Variants in F8 observed in about 807,000 individuals in gnomAD.
F8 encodes the protein antihemophilic factor.
In F8, 12 loss-of-function variants were observed where a neutral mutation model predicts 140.6. The observed-to-expected ratio is 0.09, with a 90% confidence interval of 0.05 to 0.14. The LOEUF (loss-of-function observed/expected upper bound fraction) is 0.14. F8 is among the 10% of genes least tolerant of loss of function. The pLI is 1.00. For missense variants in F8, 1,354 were observed against 1,720.7 expected (o/e 0.79, Z 3.77); for synonymous variants, 585 against 614.6 (o/e 0.95, Z 0.71).
chrX:154,939,517 G>A (rs781855025), intron 13 of F8, among the ~76,000 whole-genome samples: 101 of 112,929 alleles, frequency 8.9e-4, no homozygotes, highest in African/African-American at 3.0e-3. Flanking sequence ...AAGCGGCCGG[G>A]AAGCTCGAAC....
chrX:154,853,023 C>T (rs782622483), intron 25 of F8, among the ~76,000 whole-genome samples: 1 of 111,683 alleles, frequency 9.0e-6, no homozygotes, highest in Admixed American at 9.5e-5. Flanking sequence ...TATTTAATTT[C>T]TCTTTTAATT....
intron 9 of F8, among the ~76,000 whole-genome samples, chrX:154,961,969 C>T (rs1450954213): frequency 1.8e-5 from 2 of 111,243 alleles, no homozygotes; most frequent in Non-Finnish European, 3.8e-5. Context: ...GCCTCTGTGT[C>T]CTCTGTTTCA....
intron 1 of F8, among the ~76,000 whole-genome samples, chrX:155,006,323 G>A (rs781987119): frequency 0.024 from 1,671 of 68,528 alleles, 77 homozygotes; most frequent in African/African-American, 0.092. Flanking sequence ...CATGAAGCAC[G>A]CGGTCACCCT....
chrX:154,841,370 T>A (rs1173549158), intron 25 of F8, among the ~76,000 whole-genome samples: 4 of 109,271 alleles, frequency 3.7e-5, no homozygotes, highest in Non-Finnish European at 7.6e-5. Context: ...TAATTTAAAA[T>A]TGTGTGTGTA....
chrX:154,954,151 A>G (rs1372465971), intron 11 of F8, 109 bp from the exon 12 acceptor site: 1 of 820,426 alleles, frequency 1.2e-6, no homozygotes, highest in Non-Finnish European at 1.8e-6. Context: ...TATCTAATCC[A>G]TTGGTTTAAT....
chrX:154,952,749 A>C (rs1194854392), intron 12 of F8, among the ~76,000 whole-genome samples: 2 of 110,108 alleles, frequency 1.8e-5, no homozygotes, highest in Non-Finnish European at 3.8e-5. Flanking sequence ...TCACTATGTT[A>C]GCCAGGATGG....
rs200042130 is a variant in F8 at position 154,930,391 on chromosome X, T to G, written c.3399A>C (p.Gly1133=). 8.3e-7 allele frequency: 1 copy of G among 1,210,964 alleles called. No homozygotes were observed. The highest frequency in any genetic ancestry group is 2.2e-5 in the Admixed American group (1 of 45,995). The change falls in exon 14 of 26, where the codon GGA becomes GGC. Residue 1133 remains glycine, a synonymous_variant. Coordinates refer to ENST00000360256, the MANE Select transcript of F8 (RefSeq NM_000132.4). ...ESARWIQRTH[G]KNSLNSGQGP... is the part of the protein sequence containing the mutation. The stretch of plus-strand genomic sequence containing the variant: ...CTTGCCCAGAGTTCAGAGAGTTCTT[T>G]CCATGAGTCCTTTGTATCCACCTTG...
intron 22 of F8, among the ~76,000 whole-genome samples, chrX:154,877,712 A>G (rs28421465): frequency 0.43 from 47,072 of 110,418 alleles, 9,737 homozygotes; most frequent in African/African-American, 0.81. Context: ...TTAGCCCAGT[A>G]AGACTTGGGT....
chrX:154,921,581 T>C (rs1194987126), intron 14 of F8, among the ~76,000 whole-genome samples: 1 of 111,540 alleles, frequency 9.0e-6, no homozygotes, highest in African/African-American at 3.3e-5. Context: ...CATGCACACG[T>C]ATATTTATTG....
chrX:154,962,642 G>A (rs1248755728), intron 9 of F8, among the ~76,000 whole-genome samples: 1 of 111,675 alleles, frequency 9.0e-6, no homozygotes, highest in African/African-American at 3.3e-5. Flanking sequence ...GAGGCAGGAG[G>A]ATCGTTTGAG....
At chrX:154,990,741 C>T (rs2073583188) in intron 4 of F8, among the ~76,000 whole-genome samples, 1 of 111,633 alleles carries the variant, frequency 9.0e-6, no homozygotes, top group South Asian at 3.7e-4. Flanking sequence ...TGAGATTTCC[C>T]CTCAAGCACC....
intron 25 of F8, among the ~76,000 whole-genome samples, chrX:154,849,767 T>C (rs6643711): frequency 0.48 from 53,345 of 110,147 alleles, 11,452 homozygotes; most frequent in East Asian, 0.74. Flanking sequence ...TTTAGGTTTG[T>C]TGAGTATATT....
rs1022600185 is a variant in F8, at chrX:154,994,066, C to T, written c.389-918G>A. Reference sequence around the variant, plus strand: ...ATAAAAAAAGTAAACAAGCTTCCTACTCTTCAGTAATGCTTGATGAAGGAG... The same window carrying T: ...ATAAAAAAAGTAAACAAGCTTCCTATTCTTCAGTAATGCTTGATGAAGGAG... On this transcript the variant is annotated intron_variant, in intron 3 of 25. Coordinates refer to ENST00000360256, the MANE Select transcript of F8 (RefSeq NM_000132.4). 4.4e-5 allele frequency among the ~76,000 whole-genome samples: 5 copies of T among 112,375 alleles called. No individual in the cohort carries two copies. The East Asian group carries it at 1.1e-3, about 25-fold the overall frequency.
chrX:154,997,345 A>C (rs1480673529), intron 2 of F8, among the ~76,000 whole-genome samples: 1 of 112,691 alleles, frequency 8.9e-6, no homozygotes, highest in East Asian at 2.7e-4. Flanking sequence ...TGTCTTATGC[A>C]CTGGAGGTGC....
Position 154,947,869 on chromosome X carries a change from C to G in F8, c.1942G>C (p.Val648Leu). 1 of 1,211,345 alleles carries G rather than the reference C, an allele frequency of 8.3e-7. No homozygotes were observed. The highest frequency in any genetic ancestry group is 1.1e-6 in the Non-Finnish European group (1 of 895,182). The change falls in exon 13 of 26, where the codon GTT (valine) becomes CTT (leucine). Residue 648 changes from valine to leucine, a missense_variant. Val to Leu is a conservative substitution (Grantham distance 32, BLOSUM62 1). Coordinates refer to ENST00000360256, the MANE Select transcript of F8 (RefSeq NM_000132.4). ...GYVFDSLQLS[V>L]CLHEVAYWYI... Reference sequence around the variant, plus strand: ...CAGTATGCCACCTCATGCAAACAAACTGACAACTGCAAACTATCAAAAACA... The same window carrying G: ...CAGTATGCCACCTCATGCAAACAAAGTGACAACTGCAAACTATCAAAAACA...
intron 22 of F8, 144 bp downstream of exon 22, chrX:154,895,933 T>C: frequency 1.7e-6 from 1 of 589,437 alleles, no homozygotes. Flanking sequence ...TGCTGATATG[T>C]CCGTAATAAC....
chrX:154,944,669 G>C (rs781821971), intron 13 of F8, among the ~76,000 whole-genome samples: 3 of 111,040 alleles, frequency 2.7e-5, no homozygotes, highest in South Asian at 7.7e-4. Flanking sequence ...CCCATTACTG[G>C]GTATATACCC....
Position 154,997,038 on chromosome X carries a change from T to G in F8, c.323A>C (p.Lys108Thr), listed in dbSNP as rs137852384. ...ACTGACAGGATGGGAAGCCATGTTC[T>G]TAAGTGTAATGACCACTGTATCATA... ...EVYDTVVITL[K>T]NMASHPVSLH... The change falls in exon 3 of 26, where the codon AAG becomes ACG. Residue 108 changes from lysine (K) to threonine (T), a missense_variant. Lys to Thr is a moderately conservative substitution (Grantham distance 78). Coordinates refer to ENST00000360256, the MANE Select transcript of F8 (RefSeq NM_000132.4). 1.7e-6 allele frequency: 2 copies of G among 1,208,727 alleles called. No individual in the cohort carries two copies. Among genetic ancestry groups the G allele is most frequent in the African/African-American group, 3.5e-5 (2 of 57,014 alleles).
chrX:154,918,396 A>AT (rs782047189), intron 14 of F8, among the ~76,000 whole-genome samples: 7 of 110,634 alleles, frequency 6.3e-5, no homozygotes, highest in East Asian at 5.7e-4. Flanking sequence ...TGCCCTCAGG[A>AT]TTTTTTTACC....
Sources: gnomAD v4.1 joint callset for allele counts (sites outside exome capture counted in the v4.1 genomes callset) on GRCh38, gnomAD v4.1.1 for gene constraint, MANE v1.5 for transcripts, NCBI Gene and HGNC (gene_info 2026-07-23, HGNC 2026-07-21) for gene names.